Variants in CLASP2 observed in about 807,000 individuals in gnomAD.
CLASP2 encodes the protein CLIP-associating protein 2.
Under a neutral mutation model 194.4 loss-of-function variants are expected in CLASP2, and 47 were observed. The observed-to-expected ratio is 0.24, with a 90% CI of 0.19 to 0.31. The LOEUF (loss-of-function observed/expected upper bound fraction) is 0.31. Ranked by LOEUF, CLASP2 falls within the 10% of genes least tolerant of loss-of-function variation. The pLI is 1.00. For synonymous variants in CLASP2, 619 were observed against 633.5 expected (o/e 0.98, Z 0.34); for missense variants, 1,445 against 1,823.6 (o/e 0.79, Z 3.78).
At chr3:33,551,143 C>T in intron 30 of CLASP2, 109 bp downstream of exon 30, 1 of 894,186 alleles carries the variant, frequency 1.1e-6, no homozygotes, top group Admixed American at 2.5e-5. Context: ...CTCTTCATAA[C>T]TCACTGCTAA....
intron 22 of CLASP2, among the ~76,000 whole-genome samples, chr3:33,584,022 T>C (rs556884102): frequency 2.3e-4 from 35 of 152,334 alleles, no homozygotes; most frequent in South Asian, 6.2e-4. Context: ...CCATTTTTAA[T>C]GTTTAAGCTG....
intron 23 of CLASP2, chr3:33,577,337 G>C: frequency 2.4e-6 from 3 of 1,250,480 alleles, no homozygotes; most frequent in Non-Finnish European, 3.4e-6. Flanking sequence ...CTACTGTCAG[G>C]CAAGGAGAGT....
chr3:33,594,215 A>T (rs1453608247), intron 20 of CLASP2, among the ~76,000 whole-genome samples: 3 of 152,236 alleles, frequency 2.0e-5, no homozygotes, highest in Non-Finnish European at 2.9e-5. Flanking sequence ...ATATCAGAGT[A>T]AATATGAGAC....
chr3:33,598,180 T>C (rs1245532210), intron 18 of CLASP2, among the ~76,000 whole-genome samples: 10 of 151,696 alleles, frequency 6.6e-5, no homozygotes, highest in African/African-American at 2.4e-4. Context: ...TTTTTCACTC[T>C]AATAAATCCT....
At chr3:33,668,845 C>G (rs576284577) in intron 6 of CLASP2, among the ~76,000 whole-genome samples, 3 of 152,294 alleles carry the variant, frequency 2.0e-5, no homozygotes, top group African/African-American at 7.2e-5. Flanking sequence ...GACTAGCTGT[C>G]ACTGCTCTGG....
At chr3:33,631,194 A>G (rs2079022894) in intron 9 of CLASP2, among the ~76,000 whole-genome samples, 1 of 152,200 alleles carries the variant, frequency 6.6e-6, no homozygotes, top group African/African-American at 2.4e-5. Context: ...CATACCGGTA[A>G]AAATATTTTG....
chr3:33,666,917 C>T (rs1477563461), intron 6 of CLASP2, among the ~76,000 whole-genome samples: 3 of 152,088 alleles, frequency 2.0e-5, no homozygotes, highest in Non-Finnish European at 4.4e-5. Flanking sequence ...TTTTCGTCAT[C>T]CTGGGGGTGC....
chr3:33,571,834 G>GA (rs1211227462), intron 25 of CLASP2, among the ~76,000 whole-genome samples: 3 of 151,974 alleles, frequency 2.0e-5, no homozygotes, highest in Non-Finnish European at 1.5e-5. Context: ...GAAATCAATA[G>GA]AAAAAATCAA....
At chr3:33,521,116 T>C (rs536730036) in intron 34 of CLASP2, among the ~76,000 whole-genome samples, 1 of 152,210 alleles carries the variant, frequency 6.6e-6, no homozygotes, top group East Asian at 1.9e-4. Context: ...TCAAGGGCAA[T>C]TTGAGCTTCA....
intron 29 of CLASP2, among the ~76,000 whole-genome samples, chr3:33,556,197 TGAAA>T (rs1335259276): frequency 6.6e-6 from 1 of 152,202 alleles, no homozygotes; most frequent in Non-Finnish European, 1.5e-5. Flanking sequence ...CATGACACTC[TGAAA>T]GAGATGTAAA....
At chr3:33,601,860 A>T (rs2154253580) in intron 18 of CLASP2, among the ~76,000 whole-genome samples, 1 of 152,246 alleles carries the variant, frequency 6.6e-6, no homozygotes, top group East Asian at 1.9e-4. Flanking sequence ...CTCATACCTA[A>T]ATTCTCTGCA....
In CLASP2 at chr3:33,618,006, C is replaced by T. The variant is rs565766164; in HGVS notation, c.1317+1597G>A. ...TCTTGTTGCCCAGGCTGGAGTGCAACGGTGCAATCTCGGCTCACAACAACC... is the reference window on the plus strand; with the variant it reads ...TCTTGTTGCCCAGGCTGGAGTGCAATGGTGCAATCTCGGCTCACAACAACC... On this transcript the variant is annotated intron_variant, in intron 12 of 38. Transcript: ENST00000682230. Among the ~76,000 whole-genome samples the T allele has an allele frequency of 6.1e-5, 9 of 147,028 alleles. No homozygotes were observed. The East Asian group carries it at 1.4e-3, about 23-fold the overall frequency.
chr3:33,500,446 G>C (rs2046580969), intron 38 of CLASP2, among the ~76,000 whole-genome samples: 1 of 152,246 alleles, frequency 6.6e-6, no homozygotes, highest in South Asian at 2.1e-4. Context: ...GTTTTGGAAG[G>C]TTTGCTTTTT....
chr3:33,570,823 T>C, intron 25 of CLASP2, 33 bp from the exon 26 acceptor site: 1 of 1,521,422 alleles, frequency 6.6e-7, no homozygotes, highest in Non-Finnish European at 8.9e-7. Context: ...AATTAATATC[T>C]TGCTGTAGCA....
rs1253065344 is a variant in CLASP2, at chr3:33,606,747, C to G, written c.1538G>C (p.Gly513Ala). ...TTCACCAGGAAAGTGGTTTCTAAGA[C>G]CCATGTATGTCCTGTTAAAAAAAAA... ...ARVEARKTYM[G>A]LRNHFPGEAE... Residue 513 changes from glycine (G) to alanine (A), a missense_variant, in exon 16 of 39, where the codon GGT becomes GCT. Physicochemically the swap from Gly to Ala is moderately conservative, Grantham distance 60 (BLOSUM62 0). Coordinates refer to ENST00000682230, the MANE Select transcript of CLASP2 (RefSeq NM_001365631.1). The G allele has an allele frequency of 6.2e-7, 1 of 1,609,516 alleles. No individual in the cohort carries two copies. Among genetic ancestry groups the G allele is most frequent in the East Asian group, 2.2e-5 (1 of 44,832 alleles).
chr3:33,569,752 T>C (rs1422567826), intron 26 of CLASP2, among the ~76,000 whole-genome samples: 1 of 152,160 alleles, frequency 6.6e-6, no homozygotes, highest in African/African-American at 2.4e-5. Context: ...AAATATTGTT[T>C]TAAAGTATAA....
chr3:33,666,078 G>A (rs901094155), intron 6 of CLASP2, among the ~76,000 whole-genome samples: 4 of 152,120 alleles, frequency 2.6e-5, no homozygotes, highest in Admixed American at 6.5e-5. Flanking sequence ...GACAGAATTA[G>A]AAAAGCAACC....
chr3:33,539,997 A>C (rs1373342006), intron 32 of CLASP2, among the ~76,000 whole-genome samples: 2 of 151,082 alleles, frequency 1.3e-5, no homozygotes, highest in Non-Finnish European at 2.9e-5. Flanking sequence ...GGCTCACTGC[A>C]ACCTCTACCT....
intron 22 of CLASP2, among the ~76,000 whole-genome samples, chr3:33,584,115 G>C (rs946965012): frequency 6.6e-6 from 1 of 152,044 alleles, no homozygotes; most frequent in Non-Finnish European, 1.5e-5. Flanking sequence ...ACTAGTATTT[G>C]AATAGGGCTG....
Sources: gnomAD v4.1 joint callset for allele counts (sites outside exome capture counted in the v4.1 genomes callset) on GRCh38, gnomAD v4.1.1 for gene constraint, MANE v1.5 for transcripts, NCBI Gene and HGNC (gene_info 2026-07-23, HGNC 2026-07-21) for gene names.